INPP4B: variants seen among roughly 807,000 people sequenced by gnomAD.
INPP4B encodes the protein inositol polyphosphate-4-phosphatase type II B.
In INPP4B, 55 loss-of-function variants were observed where a neutral mutation model predicts 122.5. The ratio of observed to expected loss-of-function variants is 0.45; its 90% CI spans 0.36 to 0.56. The LOEUF (loss-of-function observed/expected upper bound fraction) is 0.56. Ranked by LOEUF, INPP4B falls within the 20% of genes least tolerant of loss-of-function variation. The probability of loss-of-function intolerance (pLI) is 0.00; values close to 1 mark genes in which losing one functional copy is unlikely to be tolerated. For synonymous variants in INPP4B, 403 were observed against 388.7 expected, an observed-to-expected ratio of 1.04 and a Z score of -0.43; for missense variants, 1,000 against 1,097.7, an observed-to-expected ratio of 0.91 and a Z score of 1.26.
At chr4:142,564,274 C>T (rs934115970) in intron 2 of INPP4B, among the ~76,000 whole-genome samples, 7 of 151,892 alleles carry the variant, frequency 4.6e-5, no homozygotes, top group African/African-American at 1.5e-4. Context: ...CAGAGAACAC[C>T]TCAGTGAGGG....
intron 15 of INPP4B, among the ~76,000 whole-genome samples, chr4:142,190,203 TTTTG>T (rs1235255595): frequency 1.3e-3 from 31 of 24,218 alleles, no homozygotes; most frequent in African/African-American, 2.4e-3. Flanking sequence ...GTTTGTTTAT[TTTTG>T]TTTTTTTTTT....
intron 15 of INPP4B, among the ~76,000 whole-genome samples, chr4:142,181,907 T>C (rs938202912): frequency 2.0e-5 from 3 of 152,174 alleles, no homozygotes; most frequent in Non-Finnish European, 4.4e-5. Context: ...ATTCACATGT[T>C]TTTTAATAGC....
At chr4:142,413,705 T>C (rs554586024) in intron 5 of INPP4B, among the ~76,000 whole-genome samples, 1 of 152,300 alleles carries the variant, frequency 6.6e-6, no homozygotes, top group Admixed American at 6.5e-5. Flanking sequence ...TTCCATTAGT[T>C]CCACATTCAT....
At chr4:142,639,720 T>C (rs1749970580) in intron 2 of INPP4B, among the ~76,000 whole-genome samples, 1 of 152,144 alleles carries the variant, frequency 6.6e-6, no homozygotes, top group Non-Finnish European at 1.5e-5. Context: ...AGTTAGCTAC[T>C]CCTAGCTCTT....
intron 2 of INPP4B, among the ~76,000 whole-genome samples, chr4:142,483,454 G>A (rs1406267716): frequency 6.6e-6 from 1 of 151,954 alleles, no homozygotes; most frequent in Admixed American, 6.6e-5. Flanking sequence ...TGGACGAAAG[G>A]GGCAGTGATA....
At chr4:142,770,802 T>A (rs1031335543) in intron 1 of INPP4B, among the ~76,000 whole-genome samples, 1 of 151,958 alleles carries the variant, frequency 6.6e-6, no homozygotes, top group African/African-American at 2.4e-5. Context: ...TCCAAGGGGC[T>A]CACAGTCAAG....
intron 2 of INPP4B, among the ~76,000 whole-genome samples, chr4:142,693,530 A>T (rs529870323): frequency 0.015 from 1,703 of 114,750 alleles, 58 homozygotes; most frequent in South Asian, 0.06. Context: ...AAAAAAAAAA[A>T]AAAAGCCTGA....
chr4:142,400,445 T>G (rs1477341622), intron 7 of INPP4B, among the ~76,000 whole-genome samples: 1 of 152,228 alleles, frequency 6.6e-6, no homozygotes, highest in Non-Finnish European at 1.5e-5. Context: ...TTAGGTTAAG[T>G]GCTTATAATT....
At chr4:142,299,172 G>GTT in intron 9 of INPP4B, among the ~76,000 whole-genome samples, 1 of 93,106 alleles carries the variant, frequency 1.1e-5, no homozygotes, top group South Asian at 3.7e-4. Context: ...TTTTTTTTGG[G>GTT]GGGGAGACAG....
chr4:142,135,792 A>G lies in INPP4B; in HGVS notation c.1720+10048T>C, dbSNP rs542656027. Reference sequence around the variant, plus strand: ...GTGTTTTTTGTTTGTTTGTTTGTTTATTTTTTTAATGTTTGTTTGTTTGAG... The same window carrying G: ...GTGTTTTTTGTTTGTTTGTTTGTTTGTTTTTTTAATGTTTGTTTGTTTGAG... On this transcript the variant is annotated intron_variant, in intron 18 of 25. Transcript: ENST00000262992. 2.6e-4 allele frequency among the ~76,000 whole-genome samples: 39 copies of G among 151,660 alleles called. No individual in the cohort carries two copies. In the South Asian group the frequency reaches 6.5e-3, roughly 25 times the overall value.
chr4:142,338,968 G>A (rs1008674409), intron 7 of INPP4B, among the ~76,000 whole-genome samples: 11 of 151,894 alleles, frequency 7.2e-5, no homozygotes, highest in African/African-American at 1.7e-4. Flanking sequence ...AGGGGAGAAC[G>A]GAGGGTCCAG....
intron 24 of INPP4B, among the ~76,000 whole-genome samples, chr4:142,083,041 A>G (rs1024777962): frequency 2.0e-5 from 3 of 151,704 alleles, no homozygotes; most frequent in African/African-American, 4.8e-5. Context: ...TGGGAGGATT[A>G]CTTGAGCCTG....
intron 15 of INPP4B, among the ~76,000 whole-genome samples, chr4:142,181,383 T>TA (rs535138222): frequency 4.0e-5 from 6 of 150,412 alleles, no homozygotes; most frequent in African/African-American, 1.2e-4. Flanking sequence ...ATTTTACAAC[T>TA]AAAAAAAAAG....
At chr4:142,572,907 G>A (rs1733120414) in intron 2 of INPP4B, among the ~76,000 whole-genome samples, 1 of 151,010 alleles carries the variant, frequency 6.6e-6, no homozygotes, top group East Asian at 2.0e-4. Flanking sequence ...ATATACAGAT[G>A]TATAAATACA....
chr4:142,375,393 T>C (rs897347121), intron 7 of INPP4B, among the ~76,000 whole-genome samples: 3 of 151,866 alleles, frequency 2.0e-5, no homozygotes, highest in Non-Finnish European at 4.4e-5. Context: ...TCCTTCAATG[T>C]TTATTTCTCG....
chr4:142,131,545 A>G (rs146423124), intron 18 of INPP4B, among the ~76,000 whole-genome samples: 190 of 152,376 alleles, frequency 1.2e-3, no homozygotes, highest in African/African-American at 4.4e-3. Flanking sequence ...TAAAAACAAA[A>G]TTCTGCAAAC....
chr4:142,057,095 C>T (rs1318469367), intron 25 of INPP4B, among the ~76,000 whole-genome samples: 1 of 147,622 alleles, frequency 6.8e-6, no homozygotes, highest in East Asian at 2.1e-4. Flanking sequence ...TGGCAGCGTA[C>T]ACATATTCCA....
At chr4:142,690,464 A>G (rs1760010882) in intron 2 of INPP4B, among the ~76,000 whole-genome samples, 2 of 152,096 alleles carry the variant, frequency 1.3e-5, no homozygotes, top group Non-Finnish European at 2.9e-5. Flanking sequence ...CAGTGGTTTT[A>G]TTTGCTGCCT....
At chr4:142,650,977 C>T (rs1479088205) in intron 2 of INPP4B, among the ~76,000 whole-genome samples, 2 of 152,144 alleles carry the variant, frequency 1.3e-5, no homozygotes, top group East Asian at 3.9e-4. Flanking sequence ...GGAAGTAAAG[C>T]ACTCCTTGGC....
Sources: allele counts gnomAD v4.1 joint callset (sites outside exome capture counted in the v4.1 genomes callset), GRCh38; gene constraint gnomAD v4.1.1; transcripts MANE v1.5; gene names NCBI Gene and HGNC (gene_info 2026-07-23, HGNC 2026-07-21).